The following CNTNAP2 variants were observed in gnomAD, a reference collection of about 807,000 sequenced individuals.
CNTNAP2 encodes contactin-associated protein-like 2.
CNTNAP2 carries 98 observed loss-of-function variants against 155.2 expected under a neutral mutation model. That is an observed-to-expected ratio of 0.63 (90% CI 0.54 to 0.75). CNTNAP2 has a LOEUF of 0.75. Among genes scored for constraint, CNTNAP2 ranks in the 30% least tolerant of loss-of-function variants. The pLI, the probability that CNTNAP2 is intolerant of heterozygous loss-of-function variation, is 0.00. For missense variants in CNTNAP2, 1,727 were observed against 1,688.1 expected (o/e 1.02, Z -0.40); for synonymous variants, 651 against 631.2 (o/e 1.03, Z -0.47).
rs796397744 is a variant in CNTNAP2 at position 147,866,639 on chromosome 7, A to G, written c.2099-36926A>G. On this transcript the variant is annotated intron_variant, in intron 13 of 23. Coordinates refer to ENST00000361727, the MANE Select transcript of CNTNAP2 (RefSeq NM_014141.6). ...GGGTGCGTATATATTTCGGATAGTT[A>G]GCTCTTCTTTTTGAATTGCTCCCTT... is the stretch of plus-strand genomic sequence containing the variant. 3.2e-4 allele frequency among the ~76,000 whole-genome samples: 49 copies of G among 152,066 alleles called. 1 individual carries two copies. The highest frequency in any genetic ancestry group is 1.0e-3 in the African/African-American group (42 of 41,468).
At chr7:146,306,675 A>C (rs1800718740) in intron 1 of CNTNAP2, among the ~76,000 whole-genome samples, 1 of 152,196 alleles carries the variant, frequency 6.6e-6, no homozygotes, top group African/African-American at 2.4e-5. Flanking sequence ...AGGCTGGTTC[A>C]ACATACACAA....
At chr7:147,131,044 A>ATATATATATGCG (rs1801342603) in intron 7 of CNTNAP2, among the ~76,000 whole-genome samples, 1 of 143,840 alleles carries the variant, frequency 7.0e-6, no homozygotes, top group Non-Finnish European at 1.5e-5. Context: ...ATATATACAC[A>ATATATATATGCG]TATATATATG....
intron 3 of CNTNAP2, among the ~76,000 whole-genome samples, chr7:146,965,460 C>T (rs1797639217): frequency 6.6e-6 from 1 of 152,004 alleles, no homozygotes; most frequent in Non-Finnish European, 1.5e-5. Context: ...TACATTCTTG[C>T]AGGTCATTCA....
chr7:146,811,777 G>A (rs1169910566), intron 2 of CNTNAP2, among the ~76,000 whole-genome samples: 2 of 152,154 alleles, frequency 1.3e-5, no homozygotes, highest in Middle Eastern at 6.8e-3. Flanking sequence ...TCAATTTTGG[G>A]GGTGGTTACT....
chr7:146,339,701 A>T (rs1801340628), intron 1 of CNTNAP2, among the ~76,000 whole-genome samples: 1 of 152,196 alleles, frequency 6.6e-6, no homozygotes, highest in South Asian at 2.1e-4. Flanking sequence ...AAACAAAAGT[A>T]GATGTGAATG....
intron 8 of CNTNAP2, among the ~76,000 whole-genome samples, chr7:147,290,347 C>T (rs1290872798): frequency 3.3e-5 from 5 of 152,066 alleles, no homozygotes; most frequent in Admixed American, 6.6e-5. Flanking sequence ...GTCAGGGGAC[C>T]GCTTTTAACA....
chr7:147,676,304 T>C (rs1795867356), intron 13 of CNTNAP2, among the ~76,000 whole-genome samples: 1 of 152,038 alleles, frequency 6.6e-6, no homozygotes, highest in African/African-American at 2.4e-5. Context: ...TAGCTACTAT[T>C]ATCAACAATT....
At chr7:146,575,887 C>G (rs1056820402) in intron 1 of CNTNAP2, among the ~76,000 whole-genome samples, 1 of 151,948 alleles carries the variant, frequency 6.6e-6, no homozygotes, top group South Asian at 2.1e-4. Context: ...TCTTGTCTAC[C>G]GAAAGGCTTA....
chr7:147,704,791 G>A (rs1218882544), intron 13 of CNTNAP2, among the ~76,000 whole-genome samples: 1 of 152,032 alleles, frequency 6.6e-6, no homozygotes, highest in Non-Finnish European at 1.5e-5. Context: ...TTTATTTCTT[G>A]CTGATTCAAT....
intron 14 of CNTNAP2, among the ~76,000 whole-genome samples, chr7:147,949,459 T>TATATATATATATATATATATATATA (rs1554453475): frequency 1.1e-4 from 14 of 129,800 alleles, no homozygotes; most frequent in Admixed American, 3.1e-4. Context: ...TATATATATA[T>TATATATATATATATATATATATATA]TTTTTTTTTT....
intron 15 of CNTNAP2, among the ~76,000 whole-genome samples, chr7:148,083,953 T>G (rs1803668473): frequency 6.6e-6 from 1 of 152,198 alleles, no homozygotes; most frequent in African/African-American, 2.4e-5. Context: ...AAGCCAGTGC[T>G]TTTTAAACCA....
At chr7:146,323,696 C>T (rs1801044513) in intron 1 of CNTNAP2, among the ~76,000 whole-genome samples, 1 of 151,972 alleles carries the variant, frequency 6.6e-6, no homozygotes, top group Non-Finnish European at 1.5e-5. Flanking sequence ...AACTATAGGA[C>T]AAGCATATTT....
At chr7:146,727,467 T>C (rs2129178705) in intron 1 of CNTNAP2, among the ~76,000 whole-genome samples, 1 of 152,326 alleles carries the variant, frequency 6.6e-6, no homozygotes, top group South Asian at 2.1e-4. Flanking sequence ...AGGCCATTTG[T>C]AAGCCACATC....
Position 148,168,988 on chromosome 7 carries a change from C to T in CNTNAP2, c.2774-3254C>T, listed in dbSNP as rs537978463. Among the ~76,000 whole-genome samples, 4 of 152,188 alleles carry T rather than the reference C, an allele frequency of 2.6e-5. 1 individual carries two copies. The South Asian group carries it at 8.3e-4, about 32-fold the overall frequency. On this transcript the variant is annotated intron_variant, in intron 17 of 23. Coordinates refer to ENST00000361727, the MANE Select transcript of CNTNAP2 (RefSeq NM_014141.6). ...CAAATAAGACAGGTGGATGTGACTACAAAAACATGCAAAACTTTCATCGGG... is the reference window on the plus strand; with the variant it reads ...CAAATAAGACAGGTGGATGTGACTATAAAAACATGCAAAACTTTCATCGGG...
At chr7:146,492,347 TG>T (rs1485298860) in intron 1 of CNTNAP2, among the ~76,000 whole-genome samples, 19 of 152,336 alleles carry the variant, frequency 1.2e-4, no homozygotes, top group African/African-American at 4.6e-4. Flanking sequence ...TGGCAAATAC[TG>T]TGCCCTTCCT....
In CNTNAP2 at chr7:147,043,963, G is replaced by T. The variant is rs1799306507; in HGVS notation, c.459G>T (p.Pro153=). The T allele has an allele frequency of 1.7e-5, 27 of 1,614,054 alleles. No homozygotes were observed. The highest frequency in any genetic ancestry group is 2.2e-5 in the Non-Finnish European group (26 of 1,180,028). Residue 153 remains proline, a synonymous_variant, in exon 4 of 24, where the codon CCG becomes CCT. Coordinates refer to ENST00000361727, the MANE Select transcript of CNTNAP2 (RefSeq NM_014141.6). ...TGGTCCGGCACGAATTACAGCATCC[G>T]ATTATTGCCCGCTATGTGCGCATAG... ...DGVVRHELQH[P]IIARYVRIVP... is the part of the protein sequence containing the mutation.
intron 1 of CNTNAP2, among the ~76,000 whole-genome samples, chr7:146,504,634 G>C (rs773576003): frequency 6.6e-6 from 1 of 152,172 alleles, no homozygotes; most frequent in Non-Finnish European, 1.5e-5. Context: ...ACCTGCTCCA[G>C]GGATGGTTAA....
intron 14 of CNTNAP2, among the ~76,000 whole-genome samples, chr7:147,955,396 C>G (rs1026713438): frequency 6.6e-6 from 1 of 152,018 alleles, no homozygotes; most frequent in Non-Finnish European, 1.5e-5. Context: ...TTTAAAAAAA[C>G]TACATTATTC....
At chr7:148,326,128 T>G (rs1797882040) in intron 21 of CNTNAP2, among the ~76,000 whole-genome samples, 1 of 135,732 alleles carries the variant, frequency 7.4e-6, no homozygotes, top group Admixed American at 7.5e-5. Flanking sequence ...AATGGACCTA[T>G]GCAAACAGGT....
Sources: allele counts gnomAD v4.1 joint callset (sites outside exome capture counted in the v4.1 genomes callset), GRCh38; gene constraint gnomAD v4.1.1; transcripts MANE v1.5; gene names NCBI Gene and HGNC (gene_info 2026-07-23, HGNC 2026-07-21).